Variants in PLCB1 observed in about 807,000 individuals in gnomAD.
The protein encoded by PLCB1 is 1-phosphatidylinositol 4,5-bisphosphate phosphodiesterase beta-1.
In PLCB1, 46 loss-of-function variants were observed where a neutral mutation model predicts 161.8. The observed-to-expected ratio is 0.28, with a 90% CI of 0.22 to 0.36. The LOEUF (loss-of-function observed/expected upper bound fraction) is 0.36. Among genes scored for constraint, PLCB1 ranks in the 10% least tolerant of loss-of-function variants. The pLI, the probability that PLCB1 is intolerant of heterozygous loss-of-function variation, is 1.00. For synonymous variants in PLCB1, 517 were observed against 503.7 expected (o/e 1.03, Z -0.35); for missense variants, 1,016 against 1,472.5 (o/e 0.69, Z 5.07).
intron 2 of PLCB1, among the ~76,000 whole-genome samples, chr20:8,299,443 T>C (rs1282774159): frequency 6.6e-6 from 1 of 152,114 alleles, no homozygotes; most frequent in Non-Finnish European, 1.5e-5. Context: ...CCAGGCACTC[T>C]CCCATTCTCA....
rs115143035 is a variant in PLCB1 at position 8,217,202 on chromosome 20, G to A, written c.177+66831G>A. Among the ~76,000 whole-genome samples, 1,216 of 152,216 alleles carry A rather than the reference G, an allele frequency of 8.0e-3. 20 individuals carry two copies. The highest frequency in any genetic ancestry group is 0.028 in the African/African-American group (1,165 of 41,548). ...CACGCAGAAGCCAAAGTGTGTTACA[G>A]TTCTGAGTAAAGACCCCATTAAATA... On this transcript the variant is annotated intron_variant, in intron 2 of 31. Coordinates refer to ENST00000338037, the MANE Select transcript of PLCB1 (RefSeq NM_015192.4).
In PLCB1 at chr20:8,468,277, T is replaced by C. The variant is rs904809370; in HGVS notation, c.246+96827T>C. Among the ~76,000 whole-genome samples, 4 of 152,134 alleles carry C rather than the reference T, an allele frequency of 2.6e-5. 1 individual carries two copies. The highest frequency in any genetic ancestry group is 5.9e-5 in the Non-Finnish European group (4 of 67,988). ...ACATATATAAATATTCATAAAGTTGTACATTTAATACGTGTGCATTTTACT... is the reference window on the plus strand; with the variant it reads ...ACATATATAAATATTCATAAAGTTGCACATTTAATACGTGTGCATTTTACT... On this transcript the variant is annotated intron_variant, in intron 3 of 31. Transcript: ENST00000338037.
intron 2 of PLCB1, among the ~76,000 whole-genome samples, chr20:8,318,145 T>C (rs889964017): frequency 1.3e-5 from 2 of 152,170 alleles, no homozygotes; most frequent in African/African-American, 4.8e-5. Flanking sequence ...CTAGTATTCA[T>C]AACTAGGTCT....
At chr20:8,315,411 G>A (rs552927362) in intron 2 of PLCB1, among the ~76,000 whole-genome samples, 3 of 152,246 alleles carry the variant, frequency 2.0e-5, no homozygotes, top group East Asian at 3.9e-4. Context: ...TAAACAGTGG[G>A]AAATCTTGTT....
chr20:8,713,628 C>T (rs1979141504), intron 12 of PLCB1, among the ~76,000 whole-genome samples: 1 of 152,168 alleles, frequency 6.6e-6, no homozygotes, highest in Non-Finnish European at 1.5e-5. Flanking sequence ...GTGTTGGACT[C>T]TTCATTTTAA....
At chr20:8,569,677 A>C (rs370325860) in intron 3 of PLCB1, among the ~76,000 whole-genome samples, 1 of 152,226 alleles carries the variant, frequency 6.6e-6, no homozygotes, top group Admixed American at 6.5e-5. Flanking sequence ...ATAATCAATA[A>C]GATTAGGGTT....
chr20:8,149,796 C>G (rs928578898), intron 1 of PLCB1, among the ~76,000 whole-genome samples: 3 of 152,060 alleles, frequency 2.0e-5, no homozygotes, highest in African/African-American at 7.2e-5. Flanking sequence ...AAATTTGCAA[C>G]AAGTTTGTAT....
intron 3 of PLCB1, among the ~76,000 whole-genome samples, chr20:8,570,342 G>A (rs1349627336): frequency 6.6e-6 from 1 of 152,154 alleles, no homozygotes; most frequent in African/African-American, 2.4e-5. Context: ...CAGTGAGGAA[G>A]GTAGAGAGTG....
intron 3 of PLCB1, among the ~76,000 whole-genome samples, chr20:8,376,008 A>AT (rs1407312328): frequency 6.7e-6 from 1 of 150,310 alleles, no homozygotes. Flanking sequence ...AACAAAAAGG[A>AT]TTAAAGACTT....
chr20:8,134,514 T>C (rs1462981648), intron 1 of PLCB1, among the ~76,000 whole-genome samples: 1 of 152,238 alleles, frequency 6.6e-6, no homozygotes, highest in Admixed American at 6.5e-5. Context: ...CACATTTTGG[T>C]ATATCCAGGT....
intron 2 of PLCB1, among the ~76,000 whole-genome samples, chr20:8,261,668 G>A (rs1251373538): frequency 2.0e-5 from 3 of 152,082 alleles, no homozygotes; most frequent in Non-Finnish European, 2.9e-5. Context: ...TTTATTGAAG[G>A]TGACAGTGGG....
At chr20:8,145,805 C>A (rs74379651) in intron 1 of PLCB1, among the ~76,000 whole-genome samples, 1 of 152,180 alleles carries the variant, frequency 6.6e-6, no homozygotes, top group Non-Finnish European at 1.5e-5. Context: ...GGAATTAATA[C>A]GAATACTATA....
chr20:8,169,108 AG>A (rs1251754945), intron 2 of PLCB1, among the ~76,000 whole-genome samples: 1 of 152,120 alleles, frequency 6.6e-6, no homozygotes, highest in Non-Finnish European at 1.5e-5. Context: ...CTGGGTCAAC[AG>A]GGCATGCGGT....
intron 2 of PLCB1, among the ~76,000 whole-genome samples, chr20:8,281,203 A>G (rs1013852086): frequency 6.6e-6 from 1 of 152,236 alleles, no homozygotes; most frequent in Non-Finnish European, 1.5e-5. Context: ...TTGGGCATCT[A>G]TAAAACAGCT....
chr20:8,756,284 T>C (rs922192995), intron 23 of PLCB1, among the ~76,000 whole-genome samples: 2 of 152,186 alleles, frequency 1.3e-5, no homozygotes, highest in Non-Finnish European at 2.9e-5. Flanking sequence ...CCTGTCTTCA[T>C]CTATAAGGAT....
At chr20:8,598,358 T>C (rs1351665243) in intron 3 of PLCB1, among the ~76,000 whole-genome samples, 3 of 149,728 alleles carry the variant, frequency 2.0e-5, no homozygotes, top group Admixed American at 6.7e-5. Flanking sequence ...TCGTCATGTA[T>C]CCAGTAGTCA....
At chr20:8,681,117 T>TATATATAA (rs1555782809) in intron 9 of PLCB1, among the ~76,000 whole-genome samples, 4 of 103,278 alleles carry the variant, frequency 3.9e-5, no homozygotes, top group African/African-American at 6.1e-5. Flanking sequence ...TATATATATA[T>TATATATAA]ATAATATATA....
At chr20:8,240,607 T>C (rs1173663075) in intron 2 of PLCB1, among the ~76,000 whole-genome samples, 1 of 151,964 alleles carries the variant, frequency 6.6e-6, no homozygotes, top group East Asian at 1.9e-4. Context: ...TTGGGATACA[T>C]AGGGAAGCGT....
intron 3 of PLCB1, among the ~76,000 whole-genome samples, chr20:8,527,021 G>A (rs976816864): frequency 1.3e-5 from 2 of 152,068 alleles, no homozygotes; most frequent in African/African-American, 4.8e-5. Context: ...TAATTTTAAA[G>A]GTCTGGTCTC....
Sources: allele counts gnomAD v4.1 joint callset (sites outside exome capture counted in the v4.1 genomes callset), GRCh38; gene constraint gnomAD v4.1.1; transcripts MANE v1.5; gene names NCBI Gene and HGNC (gene_info 2026-07-23, HGNC 2026-07-21).